CNTN5: variants seen among roughly 807,000 people sequenced by gnomAD.
CNTN5 encodes contactin 5, also known as contactin-5.
A neutral mutation model predicts 129.1 loss-of-function variants in CNTN5; 77 were observed. That is an observed-to-expected ratio of 0.60 (90% CI 0.50 to 0.72). The LOEUF (loss-of-function observed/expected upper bound fraction) is 0.72, where lower values mean the gene tolerates loss of function less well. Among genes scored for constraint, CNTN5 ranks in the 30% least tolerant of loss-of-function variants. The pLI is 0.00. For missense variants in CNTN5, 1,478 were observed against 1,328.8 expected (o/e 1.11, Z -1.75); for synonymous variants, 509 against 465.6 (o/e 1.09, Z -1.20).
intron 1 of CNTN5, among the ~76,000 whole-genome samples, chr11:99,169,298 G>T (rs958137299): frequency 6.6e-6 from 1 of 151,924 alleles, no homozygotes; most frequent in African/African-American, 2.4e-5. Flanking sequence ...AGAGGTCCTG[G>T]AATTCCTGTG....
chr11:99,034,432 T>C (rs1863591479), intron 1 of CNTN5, among the ~76,000 whole-genome samples: 1 of 151,746 alleles, frequency 6.6e-6, no homozygotes, highest in Admixed American at 6.6e-5. Context: ...TATTGATTAT[T>C]GCCACAATTT....
intron 1 of CNTN5, among the ~76,000 whole-genome samples, chr11:99,209,408 G>T (rs67597798): frequency 0.36 from 54,399 of 151,902 alleles, 10,103 homozygotes; most frequent in Middle Eastern, 0.5. Context: ...GTAGCTTGGG[G>T]AGTCACATGG....
At chr11:99,927,341 G>A (rs1055190759) in intron 7 of CNTN5, among the ~76,000 whole-genome samples, 2 of 152,078 alleles carry the variant, frequency 1.3e-5, no homozygotes, top group African/African-American at 4.8e-5. Flanking sequence ...CCAGGTCTGT[G>A]AATTCAAACC....
intron 1 of CNTN5, among the ~76,000 whole-genome samples, chr11:99,202,652 T>C (rs972190807): frequency 6.6e-6 from 1 of 152,042 alleles, no homozygotes; most frequent in Non-Finnish European, 1.5e-5. Flanking sequence ...GTTTTTGGGT[T>C]GTTTTTGTTT....
At chr11:99,973,475 A>G (rs752452202) in intron 8 of CNTN5, among the ~76,000 whole-genome samples, 3 of 152,122 alleles carry the variant, frequency 2.0e-5, no homozygotes, top group South Asian at 2.1e-4. Flanking sequence ...CTATTTTCCT[A>G]TGGTTTTCAG....
chr11:99,232,700 A>G (rs7926984), intron 1 of CNTN5, among the ~76,000 whole-genome samples: 23,107 of 152,150 alleles, frequency 0.15, 1,916 homozygotes, highest in African/African-American at 0.2. Flanking sequence ...AATGAGGGAT[A>G]TAAATATTTT....
At chr11:100,226,325 T>C (rs1253704557) in intron 16 of CNTN5, among the ~76,000 whole-genome samples, 1 of 152,106 alleles carries the variant, frequency 6.6e-6, no homozygotes, top group Non-Finnish European at 1.5e-5. Context: ...GCTCTTAAAA[T>C]TGGAGCTTTC....
intron 8 of CNTN5, among the ~76,000 whole-genome samples, chr11:99,961,096 C>A (rs1174538738): frequency 1.3e-5 from 2 of 149,202 alleles, no homozygotes; most frequent in African/African-American, 4.9e-5. Flanking sequence ...TCCCCACTAC[C>A]CGGGAGGCTG....
chr11:99,026,425 A>G (rs2135068466), intron 1 of CNTN5, among the ~76,000 whole-genome samples: 1 of 151,722 alleles, frequency 6.6e-6, no homozygotes. Context: ...GAATTTCAAA[A>G]GTTATGGCAT....
At chr11:100,288,115 T>G (rs1254965492) in intron 18 of CNTN5, among the ~76,000 whole-genome samples, 1 of 152,108 alleles carries the variant, frequency 6.6e-6, no homozygotes, top group East Asian at 1.9e-4. Context: ...AAGCAAGTGC[T>G]TAGTGACCTA....
chr11:99,309,426 G>T (rs61893136), intron 1 of CNTN5, among the ~76,000 whole-genome samples: 14,826 of 152,194 alleles, frequency 0.097, 1,562 homozygotes, highest in East Asian at 0.46. Flanking sequence ...TTCCATTCTG[G>T]ATGAACCAGA....
intron 1 of CNTN5, among the ~76,000 whole-genome samples, chr11:99,237,876 T>C (rs1181187328): frequency 2.0e-5 from 3 of 152,232 alleles, no homozygotes; most frequent in Non-Finnish European, 4.4e-5. Context: ...TATTGGTTAC[T>C]ATCTACAAAC....
chr11:99,482,381 C>T (rs1342871063), intron 2 of CNTN5, among the ~76,000 whole-genome samples: 1 of 152,132 alleles, frequency 6.6e-6, no homozygotes, highest in African/African-American at 2.4e-5. Flanking sequence ...TTAGTGTTAG[C>T]TTCTCAACTA....
At chr11:99,319,531 G>C (rs1218363440) in intron 1 of CNTN5, among the ~76,000 whole-genome samples, 1 of 151,998 alleles carries the variant, frequency 6.6e-6, no homozygotes, top group Non-Finnish European at 1.5e-5. Context: ...TTCTCCCACT[G>C]GACCATAATG....
chr11:99,743,726 A>G (rs936974407), intron 3 of CNTN5, among the ~76,000 whole-genome samples: 5 of 152,176 alleles, frequency 3.3e-5, no homozygotes, highest in African/African-American at 1.2e-4. Flanking sequence ...AAACCTATTT[A>G]GAAGCCCATT....
intron 3 of CNTN5, among the ~76,000 whole-genome samples, chr11:99,617,941 C>A (rs1438627464): frequency 2.0e-5 from 3 of 152,086 alleles, no homozygotes; most frequent in Non-Finnish European, 4.4e-5. Flanking sequence ...AACAACAAAG[C>A]TTTTATTTTA....
In CNTN5 at chr11:99,118,413, C is replaced by T. The variant is rs550814371; in HGVS notation, c.-210+97143C>T. Among the ~76,000 whole-genome samples, 4 of 152,022 alleles carry T rather than the reference C, an allele frequency of 2.6e-5. No homozygotes were observed. In the South Asian group the frequency reaches 6.2e-4, roughly 24 times the overall value. On this transcript the variant is annotated intron_variant, in intron 1 of 24. Transcript: ENST00000524871. ...GGTTTCAATGTTGCTGACTTTAATA[C>T]TGTTAATCAGTACACATTGGAGAGT...
chr11:99,337,247 C>A (rs1005604707), intron 2 of CNTN5, among the ~76,000 whole-genome samples: 1 of 152,074 alleles, frequency 6.6e-6, no homozygotes, highest in Non-Finnish European at 1.5e-5. Flanking sequence ...AGTGCAGAGA[C>A]CAGCTCGGTC....
intron 1 of CNTN5, among the ~76,000 whole-genome samples, chr11:99,199,503 C>T (rs1337633001): frequency 1.3e-5 from 2 of 152,204 alleles, no homozygotes; most frequent in African/African-American, 2.4e-5. Flanking sequence ...TGCTCACCGT[C>T]CTGTGGGTTA....
Sources: allele counts gnomAD v4.1 joint callset (sites outside exome capture counted in the v4.1 genomes callset), GRCh38; gene constraint gnomAD v4.1.1; transcripts MANE v1.5; gene names NCBI Gene and HGNC (gene_info 2026-07-23, HGNC 2026-07-21).